The following RASAL2 variants were observed in gnomAD, a reference collection of about 807,000 sequenced individuals.
RASAL2 encodes the protein ras GTPase-activating protein nGAP.
Under a neutral mutation model 128.9 loss-of-function variants are expected in RASAL2, and 58 were observed. The ratio of observed to expected loss-of-function variants is 0.45; its 90% CI spans 0.36 to 0.56. The LOEUF is 0.56. RASAL2 is among the 20% of genes least tolerant of loss of function. RASAL2 has a pLI of 0.00. For synonymous variants in RASAL2, 561 were observed against 580.8 expected, an observed-to-expected ratio of 0.97 and a Z score of 0.49; for missense variants, 1,360 against 1,601.6, an observed-to-expected ratio of 0.85 and a Z score of 2.57.
At chr1:178,260,416 GATA>G (rs957783170) in intron 1 of RASAL2, among the ~76,000 whole-genome samples, 1 of 78,672 alleles carries the variant, frequency 1.3e-5, no homozygotes, top group East Asian at 4.5e-4. Context: ...ATATATATAT[GATA>G]ATAATTTTAG....
intron 1 of RASAL2, among the ~76,000 whole-genome samples, chr1:178,202,778 TAATC>T (rs1662916302): frequency 6.6e-6 from 1 of 152,188 alleles, no homozygotes; most frequent in Admixed American, 6.5e-5. Context: ...AGGATTTTAA[TAATC>T]AAGTGGATGG....
intron 1 of RASAL2, among the ~76,000 whole-genome samples, chr1:178,233,046 A>T (rs1664076957): frequency 6.6e-6 from 1 of 152,230 alleles, no homozygotes; most frequent in African/African-American, 2.4e-5. Context: ...TACTCTGATG[A>T]TACTTTGCTT....
At chr1:178,464,042 G>A (rs1005040205) in intron 14 of RASAL2, among the ~76,000 whole-genome samples, 11 of 152,182 alleles carry the variant, frequency 7.2e-5, no homozygotes, top group Non-Finnish European at 1.0e-4. Context: ...GGAGAATAAG[G>A]ATGCCTCTTG....
intron 1 of RASAL2, among the ~76,000 whole-genome samples, chr1:178,153,769 G>GT (rs982949052): frequency 8.7e-5 from 13 of 150,016 alleles, no homozygotes; most frequent in Admixed American, 2.7e-4. Context: ...GCAGACACAA[G>GT]TTTTTTTTTT....
intron 1 of RASAL2, among the ~76,000 whole-genome samples, chr1:178,225,659 A>G (rs1371555698): frequency 1.3e-5 from 2 of 151,886 alleles, no homozygotes; most frequent in Admixed American, 1.3e-4. Context: ...GTATAAATAT[A>G]TGTGTGTTTC....
intron 2 of RASAL2, among the ~76,000 whole-genome samples, chr1:178,289,700 A>C (rs190771591): frequency 6.6e-6 from 1 of 152,004 alleles, no homozygotes; most frequent in Non-Finnish European, 1.5e-5. Context: ...CATGCCCCAC[A>C]CTTCAGCCCT....
At position 178,474,485 on chromosome 1, in the gene RASAL2, C is replaced by T. The variant is rs894764624; in HGVS notation, c.*1246C>T. The T allele has an allele frequency of 1.3e-5, 2 of 152,110 alleles. No homozygotes were observed. The highest frequency in any genetic ancestry group is 2.4e-5 in the African/African-American group (1 of 41,404). 9.4% of individuals were successfully genotyped at this position (152,110 alleles called of 1,614,324 possible). ...ATGGAAAGTGTCAGGATGGCACATT[C>T]CAGTTATTATTCCAATGCTCGTAGA... On this transcript the variant is annotated 3_prime_UTR_variant, in exon 18 of 18. Transcript: ENST00000367649.
rs76753616 is a variant in RASAL2, at chr1:178,467,541, C to T, written c.3678+120C>T. ...AAATGTGTCATTGAAAAGTTCTAGA[C>T]GCTACATTTTGAAGATTAAATGAGT... On this transcript the variant is annotated intron_variant, in intron 17 of 17. Coordinates refer to ENST00000367649, the MANE Select transcript of RASAL2 (RefSeq NM_170692.4). The T allele has an allele frequency of 0.022, 16,622 of 759,692 alleles. 1,614 individuals are homozygous for T. In the African/African-American group the frequency reaches 0.23, roughly 11 times the overall value. The allele number at this position is 759,692 out of a possible 1,614,324, so 47.1% of individuals were successfully genotyped here.
intron 3 of RASAL2, among the ~76,000 whole-genome samples, chr1:178,314,827 T>C (rs1258175739): frequency 1.3e-5 from 2 of 151,856 alleles, no homozygotes; most frequent in African/African-American, 4.8e-5. Context: ...TTAGGGTACA[T>C]GTGCACATTG....
chr1:178,154,266 C>A (rs988808818), intron 1 of RASAL2, among the ~76,000 whole-genome samples: 1 of 152,030 alleles, frequency 6.6e-6, no homozygotes, highest in African/African-American at 2.4e-5. Flanking sequence ...CCCATCTCAG[C>A]CTTCTAAGTA....
At chr1:178,372,203 T>A (rs1671760736) in intron 3 of RASAL2, 1 of 985,328 alleles carries the variant, frequency 1.0e-6, no homozygotes, top group Non-Finnish European at 1.2e-6. Context: ...CATCATTCAG[T>A]AATTGTGCTC....
intron 1 of RASAL2, among the ~76,000 whole-genome samples, chr1:178,121,536 A>T (rs1054570374): frequency 5.3e-5 from 8 of 151,036 alleles, no homozygotes; most frequent in African/African-American, 2.0e-4. Flanking sequence ...CCCAGGCTGG[A>T]GTGCAGTGGC....
At chr1:178,236,048 C>T (rs934597239) in intron 1 of RASAL2, among the ~76,000 whole-genome samples, 2 of 151,930 alleles carry the variant, frequency 1.3e-5, no homozygotes, top group African/African-American at 4.8e-5. Flanking sequence ...TTTCTCCTGC[C>T]TACCAGTATT....
chr1:178,390,570 G>T (rs530311640), intron 4 of RASAL2, among the ~76,000 whole-genome samples: 7 of 151,958 alleles, frequency 4.6e-5, no homozygotes, highest in South Asian at 2.1e-4. Context: ...GTAGAGGCGG[G>T]GTTTTACCAC....
intron 14 of RASAL2, among the ~76,000 whole-genome samples, chr1:178,462,666 T>C (rs901093912): frequency 7.2e-5 from 11 of 152,160 alleles, no homozygotes; most frequent in Non-Finnish European, 1.0e-4. Context: ...TGATCTATTT[T>C]GTCACTTTTA....
chr1:178,112,815 C>T lies in RASAL2; in HGVS notation c.202+18121C>T, dbSNP rs547597120. 4.9e-3 allele frequency among the ~76,000 whole-genome samples: 735 copies of T among 149,180 alleles called. 15 individuals carry two copies. The highest frequency in any genetic ancestry group is 0.018 in the African/African-American group (708 of 40,412). Reference sequence around the variant, plus strand: ...GGGAGATATACCTAATGCTAGATGACGAGTTAGTGGGTGCAGCACACCAGC... The same window carrying T: ...GGGAGATATACCTAATGCTAGATGATGAGTTAGTGGGTGCAGCACACCAGC... On this transcript the variant is annotated intron_variant, in intron 1 of 17. Coordinates refer to ENST00000367649, the MANE Select transcript of RASAL2 (RefSeq NM_170692.4).
intron 3 of RASAL2, among the ~76,000 whole-genome samples, chr1:178,384,820 TCTTTA>T (rs1286139552): frequency 6.6e-6 from 1 of 152,158 alleles, no homozygotes; most frequent in Non-Finnish European, 1.5e-5. Context: ...TAAATTATTA[TCTTTA>T]CTTGTTTTTT....
chr1:178,293,790 A>G (rs1344711546), intron 2 of RASAL2, among the ~76,000 whole-genome samples: 2 of 152,248 alleles, frequency 1.3e-5, no homozygotes, highest in African/African-American at 4.8e-5. Context: ...ATGAATAATT[A>G]TAATTTAACA....
chr1:178,208,287 G>A (rs1269521465), intron 1 of RASAL2, among the ~76,000 whole-genome samples: 4 of 152,150 alleles, frequency 2.6e-5, no homozygotes, highest in African/African-American at 9.7e-5. Flanking sequence ...ATGGATGTGC[G>A]AGTAGGAGAG....
Sources: allele counts gnomAD v4.1 joint callset (sites outside exome capture counted in the v4.1 genomes callset), GRCh38; gene constraint gnomAD v4.1.1; transcripts MANE v1.5; gene names NCBI Gene and HGNC (gene_info 2026-07-23, HGNC 2026-07-21).